SLCO1B1: variants seen among roughly 807,000 people sequenced by gnomAD.
SLCO1B1 encodes solute carrier organic anion transporter family member 1B1.
A neutral mutation model predicts 70.1 loss-of-function variants in SLCO1B1; 81 were observed. That is an observed-to-expected ratio of 1.16 (90% CI 0.97 to 1.39). The LOEUF (loss-of-function observed/expected upper bound fraction) is 1.39. SLCO1B1 is among the 40% of genes most tolerant of loss of function. The pLI is 0.00. For missense variants in SLCO1B1, 895 were observed against 799.6 expected (o/e 1.12, Z -1.44); for synonymous variants, 283 against 271.5 (o/e 1.04, Z -0.42).
intron 10 of SLCO1B1, among the ~76,000 whole-genome samples, chr12:21,202,988 T>C (rs1941175639): frequency 6.6e-6 from 1 of 152,022 alleles, no homozygotes; most frequent in Non-Finnish European, 1.5e-5. Flanking sequence ...CTTAGAGAAA[T>C]ACATGGATTA....
At chr12:21,144,338 C>T (rs1173247594) in intron 2 of SLCO1B1, among the ~76,000 whole-genome samples, 1 of 151,862 alleles carries the variant, frequency 6.6e-6, no homozygotes, top group Non-Finnish European at 1.5e-5. Context: ...TTGAAGATTA[C>T]CCCTTTGAAT....
chr12:21,229,562 C>G (rs1047581902), intron 14 of SLCO1B1, among the ~76,000 whole-genome samples: 1 of 152,090 alleles, frequency 6.6e-6, no homozygotes, highest in African/African-American at 2.4e-5. Flanking sequence ...TAGCTCATTT[C>G]TTTTTATTGC....
chr12:21,158,985 T>C (rs921612177), intron 2 of SLCO1B1, among the ~76,000 whole-genome samples: 1 of 152,166 alleles, frequency 6.6e-6, no homozygotes, highest in Non-Finnish European at 1.5e-5. Context: ...ATATAATCCA[T>C]AATTCTGTCT....
chr12:21,233,611 G>A (rs1465141061), intron 14 of SLCO1B1, among the ~76,000 whole-genome samples: 1 of 149,390 alleles, frequency 6.7e-6, no homozygotes, highest in Admixed American at 6.7e-5. Context: ...GCCAAACCAA[G>A]GCCCCTAAAG....
intron 2 of SLCO1B1, among the ~76,000 whole-genome samples, chr12:21,163,818 C>A (rs553264352): frequency 6.6e-6 from 1 of 151,942 alleles, no homozygotes; most frequent in Non-Finnish European, 1.5e-5. Context: ...ATTTGACATG[C>A]GCATTTGAGA....
At chr12:21,187,272 A>C (rs1334379561) in intron 7 of SLCO1B1, among the ~76,000 whole-genome samples, 1 of 152,180 alleles carries the variant, frequency 6.6e-6, no homozygotes, top group Non-Finnish European at 1.5e-5. Flanking sequence ...AAGGCAAAAG[A>C]TAAAAATCAA....
At position 21,214,754 on chromosome 12, in the gene SLCO1B1, G is replaced by T. The variant is rs554268413; in HGVS notation, c.1498-2365G>T. On this transcript the variant is annotated intron_variant, in intron 11 of 14. Transcript: ENST00000256958. ...GGACCCTCCAAGACAGGTGCGGGATGTAATCTCGTGGTGCGCCGTTTTTTA... is the reference window on the plus strand; with the variant it reads ...GGACCCTCCAAGACAGGTGCGGGATTTAATCTCGTGGTGCGCCGTTTTTTA... Among the ~76,000 whole-genome samples the T allele has an allele frequency of 2.6e-5, 4 of 152,252 alleles. No individual in the cohort carries two copies. In the East Asian group the frequency reaches 7.7e-4, roughly 29 times the overall value.
At chr12:21,142,525 C>G (rs956881895) in intron 2 of SLCO1B1, among the ~76,000 whole-genome samples, 4 of 151,862 alleles carry the variant, frequency 2.6e-5, no homozygotes, top group African/African-American at 9.7e-5. Context: ...TAGTCTTATA[C>G]AGCTGAATAA....
chr12:21,230,593 G>A (rs1226086743), intron 14 of SLCO1B1, among the ~76,000 whole-genome samples: 2 of 152,034 alleles, frequency 1.3e-5, no homozygotes, highest in African/African-American at 4.8e-5. Flanking sequence ...GCCTCTCAAA[G>A]TGCTGGCATT....
intron 1 of SLCO1B1, among the ~76,000 whole-genome samples, chr12:21,132,545 G>A (rs1213004131): frequency 6.6e-6 from 1 of 152,054 alleles, no homozygotes; most frequent in Non-Finnish European, 1.5e-5. Flanking sequence ...GTGTGAGATA[G>A]TATCTCATTG....
At chr12:21,142,071 A>T (rs1315807432) in intron 2 of SLCO1B1, among the ~76,000 whole-genome samples, 1 of 14,832 alleles carries the variant, frequency 6.7e-5, no homozygotes, top group African/African-American at 7.3e-5. Context: ...AAATTCTTTT[A>T]AAAAAAAAAA....
At chr12:21,142,070 T>TAAA (rs4149093) in intron 2 of SLCO1B1, among the ~76,000 whole-genome samples, 7 of 147,484 alleles carry the variant, frequency 4.7e-5, no homozygotes, top group African/African-American at 1.5e-4. Context: ...AAAATTCTTT[T>TAAA]AAAAAAAAAA....
At chr12:21,138,111 G>C (rs1416416110) in intron 1 of SLCO1B1, among the ~76,000 whole-genome samples, 1 of 152,212 alleles carries the variant, frequency 6.6e-6, no homozygotes, top group Non-Finnish European at 1.5e-5. Context: ...ATGGGGGATT[G>C]TCTCTCCTAT....
intron 2 of SLCO1B1, among the ~76,000 whole-genome samples, chr12:21,162,780 T>G (rs1222114270): frequency 1.3e-5 from 2 of 152,198 alleles, no homozygotes; most frequent in African/African-American, 4.8e-5. Context: ...GAGTAACTTA[T>G]GCCAGGCAAA....
intron 10 of SLCO1B1, among the ~76,000 whole-genome samples, chr12:21,203,695 A>T (rs1941183003): frequency 6.6e-6 from 1 of 152,118 alleles, no homozygotes; most frequent in Non-Finnish European, 1.5e-5. Flanking sequence ...TCCACCATCA[A>T]CTACTGTAGT....
At chr12:21,169,339 T>C (rs1008312568) in intron 2 of SLCO1B1, among the ~76,000 whole-genome samples, 6 of 152,158 alleles carry the variant, frequency 3.9e-5, no homozygotes, top group Non-Finnish European at 7.3e-5. Context: ...ACCTTTCTCA[T>C]TTACTTCTCT....
chr12:21,199,695 T>A (rs1209249299), intron 8 of SLCO1B1, among the ~76,000 whole-genome samples: 1 of 152,142 alleles, frequency 6.6e-6, no homozygotes, highest in Non-Finnish European at 1.5e-5. Flanking sequence ...CATTTAATAG[T>A]TATATTTTTA....
chr12:21,218,770 ATAACAATATCATATC>A (rs752016500), intron 12 of SLCO1B1, among the ~76,000 whole-genome samples: 3 of 152,230 alleles, frequency 2.0e-5, no homozygotes, highest in Non-Finnish European at 4.4e-5. Flanking sequence ...ATCATCGATG[ATAACAATATCATATC>A]TGTTTCAGAA....
intron 4 of SLCO1B1, among the ~76,000 whole-genome samples, chr12:21,175,032 T>A (rs1024169309): frequency 2.0e-5 from 3 of 152,170 alleles, no homozygotes; most frequent in African/African-American, 7.2e-5. Flanking sequence ...CCTCAACACT[T>A]ACACCTATAC....
Sources: allele counts gnomAD v4.1 joint callset (sites outside exome capture counted in the v4.1 genomes callset), GRCh38; gene constraint gnomAD v4.1.1; transcripts MANE v1.5; gene names NCBI Gene and HGNC (gene_info 2026-07-23, HGNC 2026-07-21).